The following LRRIQ1 variants were observed in gnomAD, a reference collection of about 807,000 sequenced individuals.
The protein encoded by LRRIQ1 is leucine-rich repeat- and IQ domain-containing protein 1.
Under a neutral mutation model 211.9 loss-of-function variants are expected in LRRIQ1, and 210 were observed. The ratio of observed to expected loss-of-function variants is 0.99; its 90% confidence interval spans 0.89 to 1.11. LRRIQ1 has a LOEUF of 1.11. Among genes scored for constraint, LRRIQ1 ranks in the 50% most tolerant of loss-of-function variants. LRRIQ1 has a pLI of 0.00. For synonymous variants in LRRIQ1, 699 were observed against 650.1 expected (o/e 1.08, Z -1.14); for missense variants, 2,136 against 1,939.5 (o/e 1.10, Z -1.90).
In LRRIQ1 at chr12:85,256,132, A is replaced by G. The variant is rs538562778; in HGVS notation, c.122-6783A>G. 2.0e-5 allele frequency among the ~76,000 whole-genome samples: 3 copies of G among 151,806 alleles called. No homozygotes were observed. The South Asian group carries it at 6.2e-4, about 31-fold the overall frequency. On this transcript the variant is annotated intron_variant, in intron 1 of 1. Transcript: ENST00000602731. ...TGTTTACGGAGCTAAGACAGTAGCT[A>G]GTTTCAACAGCAGTTGACATTATCG...
At chr12:85,121,915 A>T (rs2136427753) in intron 16 of LRRIQ1, 39 bp downstream of exon 16, 1 of 1,435,266 alleles carries the variant, frequency 7.0e-7, no homozygotes, top group South Asian at 1.5e-5. Flanking sequence ...TTTAGAATCA[A>T]TAATGTAATT....
At chr12:85,271,719 T>C in the LRRIQ1 span, among the ~76,000 whole-genome samples, 3 of 152,156 alleles carry the variant, frequency 2.0e-5, no homozygotes, top group Non-Finnish European at 4.4e-5. Flanking sequence ...AAAAATATCC[T>C]CAGAGCTTTA....
intron 18 of LRRIQ1, among the ~76,000 whole-genome samples, chr12:85,133,581 T>G (rs2136515476): frequency 6.6e-6 from 1 of 152,250 alleles, no homozygotes; most frequent in African/African-American, 2.4e-5. Context: ...TTGAAACAGG[T>G]TTCTTCCAGG....
intron 5 of LRRIQ1, among the ~76,000 whole-genome samples, chr12:85,046,557 C>T (rs768242069): frequency 6.6e-6 from 1 of 152,146 alleles, no homozygotes; most frequent in Non-Finnish European, 1.5e-5. Flanking sequence ...TGCATATTCT[C>T]GCTTTGGGAA....
intron 24 of LRRIQ1, among the ~76,000 whole-genome samples, chr12:85,208,304 A>G (rs1036999660): frequency 2.6e-5 from 4 of 152,154 alleles, no homozygotes; most frequent in Non-Finnish European, 5.9e-5. Context: ...AGAATTATCT[A>G]TCTAGAGTAA....
intron 24 of LRRIQ1, among the ~76,000 whole-genome samples, chr12:85,217,636 G>GTA (rs201671958): frequency 7.2e-6 from 1 of 138,020 alleles, no homozygotes; most frequent in African/African-American, 2.8e-5. Flanking sequence ...ATGTATATAT[G>GTA]TATATATATG....
downstream of LRRIQ1, among the ~76,000 whole-genome samples, chr12:85,248,303 C>T (rs1895794262): frequency 2.6e-5 from 4 of 151,614 alleles, no homozygotes; most frequent in Admixed American, 1.3e-4. Context: ...AGAGCAGCAA[C>T]TTGAATTTAT....
At chr12:85,251,777 C>A (rs1313773375) in intron 1 of LRRIQ1, among the ~76,000 whole-genome samples, 148 of 116,696 alleles carry the variant, frequency 1.3e-3, no homozygotes, top group African/African-American at 1.3e-3. Flanking sequence ...AGAAGTGGCG[C>A]AAAAAAAAAA....
chr12:85,104,119 G>T (rs1346065298), intron 14 of LRRIQ1, 42 bp downstream of exon 14: 2 of 1,061,442 alleles, frequency 1.9e-6, no homozygotes, highest in South Asian at 4.8e-5. Flanking sequence ...ATAGACTTTT[G>T]ACTTTCTGTT....
At chr12:85,264,218 C>G (rs1896376550) in exon 2 of LRRIQ1, 1 of 151,890 alleles carries the variant, frequency 6.6e-6, no homozygotes, top group Non-Finnish European at 1.5e-5. Context: ...GAGATAGAAA[C>G]GTTAATGAGA....
chr12:85,218,080 A>G (rs989629721), intron 24 of LRRIQ1, among the ~76,000 whole-genome samples: 2 of 152,100 alleles, frequency 1.3e-5, no homozygotes, highest in African/African-American at 2.4e-5. Flanking sequence ...AATTTGTAAT[A>G]ACTTAAAATC....
chr12:85,195,332 C>T (rs1449277356), intron 24 of LRRIQ1, among the ~76,000 whole-genome samples: 2 of 151,862 alleles, frequency 1.3e-5, no homozygotes, highest in Non-Finnish European at 2.9e-5. Context: ...ATGAGGCCAG[C>T]ATCATTCTGA....
intron 24 of LRRIQ1, among the ~76,000 whole-genome samples, 171 bp from the exon 25 acceptor site, chr12:85,229,346 C>T (rs1243247228): frequency 6.6e-6 from 1 of 152,102 alleles, no homozygotes; most frequent in Non-Finnish European, 1.5e-5. Context: ...AACAGTTAAT[C>T]TGTGACTGAC....
chr12:85,118,180 G>A (rs1186171259), intron 15 of LRRIQ1, among the ~76,000 whole-genome samples: 1 of 152,122 alleles, frequency 6.6e-6, no homozygotes, highest in Non-Finnish European at 1.5e-5. Context: ...CACGATGTAT[G>A]TTATTTATTC....
chr12:85,214,615 T>C (rs546909724), intron 24 of LRRIQ1, among the ~76,000 whole-genome samples: 27 of 152,178 alleles, frequency 1.8e-4, no homozygotes, highest in Non-Finnish European at 3.7e-4. Context: ...GATATTGTTA[T>C]AGAGGTTGCA....
At chr12:85,126,044 A>G (rs1888352623) in intron 17 of LRRIQ1, among the ~76,000 whole-genome samples, 1 of 152,178 alleles carries the variant, frequency 6.6e-6, no homozygotes, top group African/African-American at 2.4e-5. Context: ...TTTTGACATT[A>G]TAATTTTGCC....
intron 23 of LRRIQ1, among the ~76,000 whole-genome samples, chr12:85,156,692 G>T (rs1306546690): frequency 6.6e-6 from 1 of 151,768 alleles, no homozygotes; most frequent in African/African-American, 2.4e-5. Flanking sequence ...TTTACTAGCA[G>T]TTTTTAAATA....
chr12:85,137,873 G>A lies in LRRIQ1; in HGVS notation c.4233G>A (p.Leu1411=). The A allele has an allele frequency of 6.3e-7, 1 of 1,595,778 alleles. No homozygotes were observed. Among genetic ancestry groups the A allele is most frequent in the African/African-American group, 1.4e-5 (1 of 73,788 alleles). ...AGGCAGTTTGGAAGGGCTTTATTTTGCGAAAGAAACTGACAACAGCTCTAG... is the reference window on the plus strand; with the variant it reads ...AGGCAGTTTGGAAGGGCTTTATTTTACGAAAGAAACTGACAACAGCTCTAG... ...LIQAVWKGFI[L]RKKLTTALEA... The change falls in exon 19 of 27, where the codon TTG becomes TTA. Residue 1411 remains leucine, a synonymous_variant. Coordinates refer to ENST00000393217, the MANE Select transcript of LRRIQ1 (RefSeq NM_001079910.2).
intron 15 of LRRIQ1, among the ~76,000 whole-genome samples, chr12:85,109,927 G>A (rs905934025): frequency 6.6e-6 from 1 of 152,002 alleles, no homozygotes; most frequent in African/African-American, 2.4e-5. Context: ...CTCCTGAGTA[G>A]CTGGGACAAG....
Sources: gnomAD v4.1 joint callset for allele counts (sites outside exome capture counted in the v4.1 genomes callset) on GRCh38, gnomAD v4.1.1 for gene constraint, MANE v1.5 for transcripts, NCBI Gene and HGNC (gene_info 2026-07-23, HGNC 2026-07-21) for gene names.